The following MYRIP variants were observed in gnomAD, a reference collection of about 807,000 sequenced individuals.
MYRIP encodes myosin VIIA and Rab interacting protein.
A neutral mutation model predicts 98.0 loss-of-function variants in MYRIP; 49 were observed. That is an observed-to-expected ratio of 0.50 (90% CI 0.40 to 0.63). MYRIP has a LOEUF of 0.63. MYRIP is among the 30% of genes least tolerant of loss of function. The pLI, the probability that MYRIP is intolerant of heterozygous loss-of-function variation, is 0.00. For missense variants in MYRIP, 1,004 were observed against 1,058.2 expected (o/e 0.95, Z 0.71); for synonymous variants, 404 against 409.5 (o/e 0.99, Z 0.16).
rs1007990560 is a variant in MYRIP at position 39,923,369 on chromosome 3, C to T, written c.110+22443C>T. Among the ~76,000 whole-genome samples the T allele has an allele frequency of 2.0e-5, 3 of 151,918 alleles. 1 individual carries two copies. Among genetic ancestry groups the T allele is most frequent in the Admixed American group, 1.3e-4 (2 of 15,246 alleles). ...GAGTGAATACCAAACAGGATAAACC[C>T]AAAGAAATCCACACCAAGACACATC... On this transcript the variant is annotated intron_variant, in intron 2 of 16. Coordinates refer to ENST00000302541, the MANE Select transcript of MYRIP (RefSeq NM_015460.4).
chr3:40,166,442 T>C (rs1373506148), intron 5 of MYRIP, among the ~76,000 whole-genome samples: 2 of 152,054 alleles, frequency 1.3e-5, no homozygotes, highest in Non-Finnish European at 2.9e-5. Flanking sequence ...GCCGGGGGTA[T>C]GGAGCCTTTT....
At chr3:40,153,228 GA>G (rs1230082889) in intron 4 of MYRIP, among the ~76,000 whole-genome samples, 1 of 152,162 alleles carries the variant, frequency 6.6e-6, no homozygotes, top group African/African-American at 2.4e-5. Context: ...GGAGAAACAT[GA>G]AGACAAGCAG....
chr3:40,068,114 T>C (rs1948159237), intron 3 of MYRIP, among the ~76,000 whole-genome samples: 2 of 152,240 alleles, frequency 1.3e-5, no homozygotes. Context: ...AATGCCTTTG[T>C]ACAGATATCC....
intron 2 of MYRIP, among the ~76,000 whole-genome samples, chr3:39,965,135 T>C (rs1169117216): frequency 1.3e-5 from 2 of 152,138 alleles, no homozygotes; most frequent in African/African-American, 4.8e-5. Context: ...TTTTCACAAA[T>C]GCATACAGTG....
chr3:40,158,748 T>C (rs9862865), intron 4 of MYRIP, among the ~76,000 whole-genome samples: 12,607 of 145,604 alleles, frequency 0.087, 1,394 homozygotes, highest in African/African-American at 0.25. Context: ...TACCATTATG[T>C]AATGGCCTTC....
chr3:39,898,526 G>A (rs1250524750), intron 1 of MYRIP, among the ~76,000 whole-genome samples: 1 of 152,022 alleles, frequency 6.6e-6, no homozygotes, highest in African/African-American at 2.4e-5. Context: ...GGGAACTCTG[G>A]ACATCAGATT....
intron 3 of MYRIP, among the ~76,000 whole-genome samples, chr3:40,143,953 A>G (rs1949961590): frequency 6.6e-6 from 1 of 152,212 alleles, no homozygotes; most frequent in Non-Finnish European, 1.5e-5. Flanking sequence ...GAAGCATTCT[A>G]TTTTAAGTTC....
intron 3 of MYRIP, among the ~76,000 whole-genome samples, chr3:40,112,347 T>C (rs1414790498): frequency 6.6e-6 from 1 of 152,146 alleles, no homozygotes; most frequent in Non-Finnish European, 1.5e-5. Flanking sequence ...AGCACACACG[T>C]TGGCCCTAAC....
chr3:40,020,949 T>C (rs1946977840), intron 2 of MYRIP, among the ~76,000 whole-genome samples: 1 of 152,098 alleles, frequency 6.6e-6, no homozygotes, highest in Non-Finnish European at 1.5e-5. Flanking sequence ...TAGCCATGTA[T>C]GAGCATACTC....
At chr3:40,203,852 T>C in intron 10 of MYRIP, among the ~76,000 whole-genome samples, 1 of 13,910 alleles carries the variant, frequency 7.2e-5, no homozygotes, top group African/African-American at 1.9e-4. Flanking sequence ...TATTTATTTA[T>C]ATTTTTATAT....
intron 2 of MYRIP, among the ~76,000 whole-genome samples, chr3:39,948,470 T>C (rs945889993): frequency 2.5e-4 from 38 of 151,924 alleles, no homozygotes; most frequent in African/African-American, 7.7e-4. Flanking sequence ...TATGAAAATA[T>C]GAATAAAGAA....
At chr3:40,067,229 T>C (rs545236577) in intron 3 of MYRIP, among the ~76,000 whole-genome samples, 13 of 152,316 alleles carry the variant, frequency 8.5e-5, no homozygotes, top group South Asian at 6.2e-4. Flanking sequence ...TTAGAAATTA[T>C]GTGAACTAAG....
chr3:39,975,564 G>T (rs1252444524), intron 2 of MYRIP, among the ~76,000 whole-genome samples: 1 of 151,778 alleles, frequency 6.6e-6, no homozygotes, highest in Non-Finnish European at 1.5e-5. Context: ...AGTTCATATG[G>T]AACCAAAAAA....
In MYRIP at chr3:40,076,164, A is replaced by G. The variant is rs955825381; in HGVS notation, c.332+31893A>G. Among the ~76,000 whole-genome samples, 3 of 152,214 alleles carry G rather than the reference A, an allele frequency of 2.0e-5. No homozygotes were observed. The South Asian group carries it at 6.2e-4, about 32-fold the overall frequency. On this transcript the variant is annotated intron_variant, in intron 3 of 16. Coordinates refer to ENST00000302541, the MANE Select transcript of MYRIP (RefSeq NM_015460.4). Reference sequence around the variant, plus strand: ...AAGTGCAATGAGCTGTGATTGCACTATTGCTTTCCAGTGTTGCTCTGGACA... The same window carrying G: ...AAGTGCAATGAGCTGTGATTGCACTGTTGCTTTCCAGTGTTGCTCTGGACA...
chr3:39,945,298 C>A (rs1944873237), intron 2 of MYRIP, among the ~76,000 whole-genome samples: 1 of 118,902 alleles, frequency 8.4e-6, no homozygotes, highest in Non-Finnish European at 1.6e-5. Flanking sequence ...GGTGAAATAC[C>A]ATCTCTACTA....
At chr3:40,214,179 T>C (rs1214819076) in intron 11 of MYRIP, among the ~76,000 whole-genome samples, 1 of 152,160 alleles carries the variant, frequency 6.6e-6, no homozygotes, top group Non-Finnish European at 1.5e-5. Context: ...CGCAAATACT[T>C]ACTTTGGTAT....
At chr3:39,859,374 T>C (rs1942395277) in intron 1 of MYRIP, among the ~76,000 whole-genome samples, 1 of 152,152 alleles carries the variant, frequency 6.6e-6, no homozygotes, top group Non-Finnish European at 1.5e-5. Flanking sequence ...AGGAGATTGA[T>C]TTAGTAATCA....
intron 9 of MYRIP, among the ~76,000 whole-genome samples, chr3:40,183,272 G>T (rs943488719): frequency 3.3e-5 from 5 of 152,202 alleles, no homozygotes; most frequent in African/African-American, 1.2e-4. Context: ...AAGAGTCTTT[G>T]GTGGGCAGTT....
At chr3:39,902,102 C>CTGAAGAA (rs1943756862) in intron 2 of MYRIP, among the ~76,000 whole-genome samples, 1 of 152,168 alleles carries the variant, frequency 6.6e-6, no homozygotes, top group Non-Finnish European at 1.5e-5. Context: ...GCATAGGAAA[C>CTGAAGAA]TGAAGAATGA....
Sources: allele counts gnomAD v4.1 joint callset (sites outside exome capture counted in the v4.1 genomes callset), GRCh38; gene constraint gnomAD v4.1.1; transcripts MANE v1.5; gene names NCBI Gene and HGNC (gene_info 2026-07-23, HGNC 2026-07-21).